MAPK10: variants seen among roughly 807,000 people sequenced by gnomAD.
The protein encoded by MAPK10 is JNK3 alpha protein kinase.
In MAPK10, 25 loss-of-function variants were observed where a neutral mutation model predicts 59.3. That is an observed-to-expected ratio of 0.42 (90% CI 0.31 to 0.59). The LOEUF (loss-of-function observed/expected upper bound fraction) is 0.59, where lower values mean the gene tolerates loss of function less well. Among genes scored for constraint, MAPK10 ranks in the 20% least tolerant of loss-of-function variants. The probability of loss-of-function intolerance (pLI) is 0.15; values close to 1 mark genes in which losing one functional copy is unlikely to be tolerated. For missense variants in MAPK10, 351 were observed against 568.9 expected (o/e 0.62, Z 3.90); for synonymous variants, 190 against 200.5 (o/e 0.95, Z 0.44).
chr4:86,311,117 TG>T (rs1049878915), intron 2 of MAPK10, among the ~76,000 whole-genome samples: 15 of 151,560 alleles, frequency 9.9e-5, no homozygotes, highest in African/African-American at 3.6e-4. Context: ...ATATTTGTCC[TG>T]AAAAACAAAC....
chr4:86,101,695 A>C (rs1347254559), intron 7 of MAPK10, among the ~76,000 whole-genome samples, 199 bp downstream of exon 7: 1 of 152,210 alleles, frequency 6.6e-6, no homozygotes, highest in Non-Finnish European at 1.5e-5. Flanking sequence ...CAATGAGCCA[A>C]AACATAACAT....
At chr4:86,461,290 T>C (rs564072699) in intron 1 of MAPK10, among the ~76,000 whole-genome samples, 2 of 152,246 alleles carry the variant, frequency 1.3e-5, no homozygotes, top group African/African-American at 4.8e-5. Context: ...CAGGCAGACA[T>C]CAATCCAGAA....
chr4:86,257,263 A>C (rs1327352183), intron 2 of MAPK10, among the ~76,000 whole-genome samples: 1 of 152,180 alleles, frequency 6.6e-6, no homozygotes, highest in Non-Finnish European at 1.5e-5. Flanking sequence ...TGAAAGAAGC[A>C]AAAGTCCATT....
At position 86,335,570 on chromosome 4, in the gene MAPK10, C is replaced by T. The variant is rs571971987; in HGVS notation, c.-7+18960G>A. Among the ~76,000 whole-genome samples, 42 of 151,888 alleles carry T rather than the reference C, an allele frequency of 2.8e-4. No homozygotes were observed. The South Asian group carries it at 4.8e-3, about 17-fold the overall frequency. On this transcript the variant is annotated intron_variant, in intron 2 of 13. Coordinates refer to ENST00000641462, the MANE Select transcript of MAPK10 (RefSeq NM_138982.4). ...TTCTCTTACTCCTTTCTTTCTCCCT[C>T]TTTCTCCCCATGCCCTGCCATAAAT...
At chr4:86,238,894 G>T (rs902437126) in intron 2 of MAPK10, among the ~76,000 whole-genome samples, 7 of 152,152 alleles carry the variant, frequency 4.6e-5, no homozygotes, top group Admixed American at 3.9e-4. Context: ...TTGAATAGGA[G>T]CGGTGACACA....
chr4:86,466,731 A>T (rs912961543), intron 1 of MAPK10, among the ~76,000 whole-genome samples: 10 of 152,238 alleles, frequency 6.6e-5, no homozygotes, highest in African/African-American at 2.4e-4. Context: ...GCACAGCATG[A>T]AAAGCACACA....
chr4:86,336,089 A>G (rs1721155304), intron 2 of MAPK10, among the ~76,000 whole-genome samples: 1 of 152,236 alleles, frequency 6.6e-6, no homozygotes, highest in African/African-American at 2.4e-5. Context: ...TAAAAAGAAA[A>G]TTATAATTTG....
intron 4 of MAPK10, among the ~76,000 whole-genome samples, chr4:86,136,510 G>A (rs1235335545): frequency 6.7e-6 from 1 of 150,110 alleles, no homozygotes; most frequent in Non-Finnish European, 1.5e-5. Context: ...CACCAGGCCT[G>A]CCCTAAAAGA....
chr4:86,477,585 A>G (rs1753207543), intron 1 of MAPK10, among the ~76,000 whole-genome samples: 2 of 152,058 alleles, frequency 1.3e-5, no homozygotes, highest in Non-Finnish European at 2.9e-5. Context: ...ATCCCATCCC[A>G]CAGCACGCTT....
At chr4:86,358,346 G>A (rs569642249) in intron 1 of MAPK10, 29 of 985,440 alleles carry the variant, frequency 2.9e-5, no homozygotes, top group Non-Finnish European at 3.4e-5. Context: ...GATATTGGAT[G>A]TTGTGCTGGC....
chr4:86,088,478 C>G (rs925032195), intron 9 of MAPK10, among the ~76,000 whole-genome samples: 1 of 152,240 alleles, frequency 6.6e-6, no homozygotes, highest in East Asian at 1.9e-4. Context: ...TGAGCTACCA[C>G]ATCTGGTCTT....
intron 4 of MAPK10, among the ~76,000 whole-genome samples, chr4:86,118,178 A>G (rs1380167568): frequency 1.3e-5 from 2 of 152,250 alleles, no homozygotes; most frequent in Non-Finnish European, 1.5e-5. Flanking sequence ...TACTGGCAGA[A>G]GTTTAGCAAA....
intron 3 of MAPK10, among the ~76,000 whole-genome samples, chr4:86,171,953 G>A (rs1380591700): frequency 1.3e-5 from 2 of 150,418 alleles, no homozygotes; most frequent in Middle Eastern, 3.4e-3. Flanking sequence ...CATTTATGCA[G>A]CCAAAAGACA....
chr4:86,579,944 G>A (rs972874170), intron 1 of MAPK10, among the ~76,000 whole-genome samples: 1 of 151,924 alleles, frequency 6.6e-6, no homozygotes, highest in Non-Finnish European at 1.5e-5. Context: ...CTCCCAAGTA[G>A]TTGGGACTAC....
intron 1 of MAPK10, among the ~76,000 whole-genome samples, chr4:86,461,424 T>G (rs1751737047): frequency 6.6e-6 from 1 of 152,158 alleles, no homozygotes; most frequent in Admixed American, 6.5e-5. Context: ...TCTAAAGACC[T>G]GGAATCAAGG....
intron 13 of MAPK10, among the ~76,000 whole-genome samples, chr4:86,019,944 G>T (rs1160271339): frequency 6.6e-6 from 1 of 152,116 alleles, no homozygotes; most frequent in African/African-American, 2.4e-5. Context: ...GCTTTATTAA[G>T]ATATAATCCA....
chr4:86,223,311 A>T (rs1418466811), intron 2 of MAPK10, among the ~76,000 whole-genome samples: 3 of 152,120 alleles, frequency 2.0e-5, no homozygotes, highest in African/African-American at 4.8e-5. Flanking sequence ...TCTTCATTTT[A>T]GAAACCTCCT....
At position 86,013,217 on chromosome 4, in the gene MAPK10, GA is replaced by G. The variant is rs1404580219; in HGVS notation, c.*4010del. 3.9e-5 allele frequency: 6 copies of G among 152,126 alleles called. No individual in the cohort carries two copies. Among genetic ancestry groups the G allele is most frequent in the Non-Finnish European group, 7.4e-5 (5 of 67,998 alleles). The allele number at this position is 152,126 out of a possible 1,614,324, so 9.4% of individuals were successfully genotyped here. A position where few individuals can be genotyped will look rare whatever the true frequency, so the allele number is the denominator to read the frequency against. On this transcript the variant is annotated 3_prime_UTR_variant, in exon 14 of 14. Coordinates refer to ENST00000641462, the MANE Select transcript of MAPK10 (RefSeq NM_138982.4). ...CAAAATCTTATCCTCTAATCACAAA[GA>G]AAATAGCTAAAATAACTATTTACAT... is the stretch of plus-strand genomic sequence containing the variant.
chr4:86,221,480 GT>G (rs5860022), intron 2 of MAPK10, among the ~76,000 whole-genome samples: 12,814 of 146,384 alleles, frequency 0.088, 1,184 homozygotes, highest in African/African-American at 0.23. Context: ...TATATTTTTG[GT>G]TTTTTTTTTT....
Sources: gnomAD v4.1 joint callset for allele counts (sites outside exome capture counted in the v4.1 genomes callset) on GRCh38, gnomAD v4.1.1 for gene constraint, MANE v1.5 for transcripts, NCBI Gene and HGNC (gene_info 2026-07-23, HGNC 2026-07-21) for gene names.